Variants in PDCD4 observed in about 807,000 individuals in gnomAD.
PDCD4 encodes programmed cell death 4.
In PDCD4, 56 loss-of-function variants were observed where a neutral mutation model predicts 54.0. The observed-to-expected ratio is 1.04, with a 90% CI of 0.84 to 1.30. PDCD4 has a LOEUF of 1.30. PDCD4 is among the 50% of genes most tolerant of loss of function. PDCD4 has a pLI of 0.00. For synonymous variants in PDCD4, 186 were observed against 194.8 expected (o/e 0.95, Z 0.37); for missense variants, 584 against 559.8 (o/e 1.04, Z -0.44).
intron 8 of PDCD4, among the ~76,000 whole-genome samples, chr10:110,892,995 G>C (rs1845778298): frequency 6.6e-6 from 1 of 151,930 alleles, no homozygotes; most frequent in African/African-American, 2.4e-5. Flanking sequence ...ATTCAATATA[G>C]TGACCTGCTG....
Position 110,875,998 on chromosome 10 carries a change from T to A in PDCD4, c.-30T>A, listed in dbSNP as rs753115574. ...AGGAAGATTTCCATTAGGTAATTTGTTTAATCAGTGCAAGCGAAATTAAGG... is the reference window on the plus strand; with the variant it reads ...AGGAAGATTTCCATTAGGTAATTTGATTAATCAGTGCAAGCGAAATTAAGG... On this transcript the variant is annotated 5_prime_UTR_variant, in exon 2 of 12. Coordinates refer to ENST00000280154, the MANE Select transcript of PDCD4 (RefSeq NM_014456.5). 3.4e-5 allele frequency: 53 copies of A among 1,555,786 alleles called. No homozygotes were observed. The highest frequency in any genetic ancestry group is 4.6e-5 in the Non-Finnish European group (53 of 1,142,820).
At chr10:110,878,159 C>T (rs1845535339) in intron 2 of PDCD4, among the ~76,000 whole-genome samples, 3 of 152,088 alleles carry the variant, frequency 2.0e-5, no homozygotes, top group African/African-American at 7.2e-5. Flanking sequence ...TTAAAGTCAG[C>T]TCAATAGGGG....
rs79783816 is a variant in PDCD4, at chr10:110,874,924, A to G, written c.-62-1042A>G. ...AAATGTGCTTTTCTGTAATTAATTT[A>G]TTAGGCATTTTCACTAATTTGTGCA... On this transcript the variant is annotated intron_variant, in intron 1 of 11. Transcript: ENST00000280154. Among the ~76,000 whole-genome samples, 707 of 152,268 alleles carry G rather than the reference A, an allele frequency of 4.6e-3. 2 individuals are homozygous for G. The highest frequency in any genetic ancestry group is 5.8e-3 in the Non-Finnish European group (396 of 67,956).
intron 1 of PDCD4, among the ~76,000 whole-genome samples, chr10:110,873,896 T>G (rs1488962430): frequency 6.6e-6 from 1 of 152,232 alleles, no homozygotes. Context: ...CTGACAGTTT[T>G]GTCTGACGGA....
chr10:110,876,951 C>T (rs1018434686), intron 2 of PDCD4, among the ~76,000 whole-genome samples: 2 of 152,094 alleles, frequency 1.3e-5, no homozygotes, highest in Admixed American at 6.5e-5. Context: ...CTAAATACTA[C>T]ATCTTTCTTT....
In PDCD4 at chr10:110,895,958, G is replaced by T. The variant is rs1304191314; in HGVS notation, c.1220G>T (p.Arg407Ile). The T allele has an allele frequency of 5.6e-6, 9 of 1,599,632 alleles. No homozygotes were observed. Among genetic ancestry groups the T allele is most frequent in the South Asian group, 1.1e-5 (1 of 88,936 alleles). The change falls in exon 11 of 12, where the codon AGA becomes ATA. Residue 407 changes from arginine (R) to isoleucine (I), a missense_variant. Transcript: ENST00000280154. The part of the protein sequence containing the change: ...TVDQMKRGYE[R>I]IYNEIPDINL... ...ATTTCATTGTTGTAGGGTTATGAGA[G>T]AATTTACAATGAAATTCCGGACATT...
chr10:110,886,745 A>T (rs893573565), intron 5 of PDCD4, among the ~76,000 whole-genome samples: 2 of 152,186 alleles, frequency 1.3e-5, no homozygotes, highest in African/African-American at 4.8e-5. Flanking sequence ...ATAAGATAAT[A>T]TAACTAAAGA....
chr10:110,897,366 GT>G (rs1352859622), intron 11 of PDCD4, among the ~76,000 whole-genome samples: 1 of 152,184 alleles, frequency 6.6e-6, no homozygotes, highest in African/African-American at 2.4e-5. Flanking sequence ...TTGGCCTGGG[GT>G]CAGAGAGTAA....
rs569691826 is a variant in PDCD4, at chr10:110,899,928, A to G, written c.*1840A>G. On this transcript the variant is annotated 3_prime_UTR_variant, in exon 12 of 12. Coordinates refer to ENST00000280154, the MANE Select transcript of PDCD4 (RefSeq NM_014456.5). ...TTTTGTTTTTTAATTACGTAATGTAAAAGCCCAACAAACACTTTATGCAAG... is the reference window on the plus strand; with the variant it reads ...TTTTGTTTTTTAATTACGTAATGTAGAAGCCCAACAAACACTTTATGCAAG... The G allele has an allele frequency of 2.6e-5, 4 of 154,934 alleles. No homozygotes were observed. The highest frequency in any genetic ancestry group is 9.6e-5 in the African/African-American group (4 of 41,680). 9.6% of individuals were successfully genotyped at this position (154,934 alleles called of 1,614,324 possible). A position where few individuals can be genotyped will look rare whatever the true frequency, so the allele number is the denominator to read the frequency against.
intron 4 of PDCD4, among the ~76,000 whole-genome samples, chr10:110,883,702 T>C (rs1845627195): frequency 6.6e-6 from 1 of 152,176 alleles, no homozygotes; most frequent in Non-Finnish European, 1.5e-5. Flanking sequence ...TTGGATTATT[T>C]TGAAGCAAAT....
intron 6 of PDCD4, among the ~76,000 whole-genome samples, chr10:110,888,485 A>G (rs963775058): frequency 2.0e-5 from 3 of 152,136 alleles, no homozygotes; most frequent in Non-Finnish European, 2.9e-5. Context: ...ATACCAATAC[A>G]CATACTTTAA....
chr10:110,894,018 A>G, intron 8 of PDCD4, 73 bp from the exon 9 acceptor site: 1 of 867,876 alleles, frequency 1.2e-6, no homozygotes, highest in East Asian at 2.4e-5. Context: ...AATGAGGGCA[A>G]ATAATCCTGT....
intron 4 of PDCD4, among the ~76,000 whole-genome samples, chr10:110,884,204 C>T (rs936175606): frequency 6.6e-6 from 1 of 152,174 alleles, no homozygotes; most frequent in Admixed American, 6.5e-5. Context: ...CGTTGTCCAG[C>T]GTGTATCCGC....
Position 110,894,294 on chromosome 10 carries a change from A to G in PDCD4, c.1098+96A>G. 3 of 889,886 alleles carry G rather than the reference A, an allele frequency of 3.4e-6. No homozygotes were observed. In the South Asian group the frequency reaches 4.3e-5, roughly 13 times the overall value. The allele number at this position is 889,886 out of a possible 1,614,324, so 55.1% of individuals were successfully genotyped here. ...TTAAATAATGTACATCCTTTTTTTA[A>G]TATCAAAGGAGGAAGTGGTTATTAA... is the stretch of plus-strand genomic sequence containing the variant. On this transcript the variant is annotated intron_variant, in intron 9 of 11. Coordinates refer to ENST00000280154, the MANE Select transcript of PDCD4 (RefSeq NM_014456.5).
intron 1 of PDCD4, among the ~76,000 whole-genome samples, chr10:110,872,711 G>A (rs12219468): frequency 0.54 from 82,873 of 152,276 alleles, 25,571 homozygotes; most frequent in Non-Finnish European, 0.7. Context: ...CGTCGCGCCC[G>A]TCTTCCGGCA....
Position 110,890,707 on chromosome 10 carries a change from G to A in PDCD4, c.990+37G>A, listed in dbSNP as rs961538653. 9 of 1,318,166 alleles carry A rather than the reference G, an allele frequency of 6.8e-6. No individual in the cohort carries two copies. The African/African-American group carries it at 1.0e-4, about 15-fold the overall frequency. 81.7% of individuals were successfully genotyped at this position (1,318,166 alleles called of 1,614,324 possible). On this transcript the variant is annotated intron_variant, in intron 8 of 11. Coordinates refer to ENST00000280154, the MANE Select transcript of PDCD4 (RefSeq NM_014456.5). ...GTATTGTTTTTAACTTAATTTATAT[G>A]TATTCCTCTGAGTGAAATAAATTGT...
chr10:110,883,530 ATTTT>A (rs1184883268), intron 4 of PDCD4, among the ~76,000 whole-genome samples: 2 of 151,942 alleles, frequency 1.3e-5, no homozygotes, highest in Non-Finnish European at 2.9e-5. Context: ...TGTGAAGTGA[ATTTT>A]TTATTTTTTT....
At chr10:110,890,025 T>A (rs1845731765) in intron 7 of PDCD4, among the ~76,000 whole-genome samples, 2 of 152,232 alleles carry the variant, frequency 1.3e-5, no homozygotes, top group Admixed American at 1.3e-4. Flanking sequence ...TTTGTATTTA[T>A]CTACTGTAGA....
At chr10:110,888,098 T>C (rs1009605944) in intron 6 of PDCD4, among the ~76,000 whole-genome samples, 2 of 152,130 alleles carry the variant, frequency 1.3e-5, no homozygotes, top group African/African-American at 4.8e-5. Flanking sequence ...TTTAATGTTA[T>C]CTTGTACTTT....
Sources: allele counts gnomAD v4.1 joint callset (sites outside exome capture counted in the v4.1 genomes callset), GRCh38; gene constraint gnomAD v4.1.1; transcripts MANE v1.5; gene names NCBI Gene and HGNC (gene_info 2026-07-23, HGNC 2026-07-21).